Variants in RARB observed in about 807,000 individuals in gnomAD.
RARB encodes HBV-activated protein.
Under a neutral mutation model 51.9 loss-of-function variants are expected in RARB, and 17 were observed. That is an observed-to-expected ratio of 0.33 (90% CI 0.22 to 0.49). The LOEUF is 0.49. Among genes scored for constraint, RARB ranks in the 20% least tolerant of loss-of-function variants. The probability of loss-of-function intolerance (pLI) is 0.99; values close to 1 mark genes in which losing one functional copy is unlikely to be tolerated. For missense variants in RARB, 369 were observed against 550.8 expected (o/e 0.67, Z 3.30); for synonymous variants, 215 against 195.4 (o/e 1.10, Z -0.84).
At chr3:25,212,367 C>T (rs1160753679) in intron 5 of RARB, among the ~76,000 whole-genome samples, 2 of 152,186 alleles carry the variant, frequency 1.3e-5, no homozygotes, top group East Asian at 1.9e-4. Flanking sequence ...CGCCCATAAT[C>T]CCAGCACTTT....
intron 3 of RARB, among the ~76,000 whole-genome samples, chr3:25,538,578 A>G (rs1018919358): frequency 1.3e-5 from 2 of 152,194 alleles, no homozygotes; most frequent in African/African-American, 4.8e-5. Context: ...CCTGACGTGG[A>G]GAGTAGGCAT....
intron 2 of RARB, among the ~76,000 whole-genome samples, chr3:24,977,588 T>C (rs1205104077): frequency 1.1e-4 from 17 of 152,224 alleles, no homozygotes; most frequent in Admixed American, 1.1e-3. Flanking sequence ...ATAGGAAAGC[T>C]TGTGAATTTT....
chr3:24,880,035 C>T (rs895714829), intron 2 of RARB, among the ~76,000 whole-genome samples: 1 of 151,734 alleles, frequency 6.6e-6, no homozygotes, highest in Non-Finnish European at 1.5e-5. Flanking sequence ...TAAGGAGCTC[C>T]CCTTAGCTCT....
intron 2 of RARB, among the ~76,000 whole-genome samples, chr3:24,983,825 G>A (rs1696729464): frequency 6.6e-6 from 1 of 151,974 alleles, no homozygotes; most frequent in Non-Finnish European, 1.5e-5. Context: ...GGGGGAGAGG[G>A]AGTTCTTTAC....
chr3:24,834,114 A>G (rs1702313554), intron 1 of RARB, among the ~76,000 whole-genome samples: 1 of 152,220 alleles, frequency 6.6e-6, no homozygotes, highest in Non-Finnish European at 1.5e-5. Context: ...TAACTCACCA[A>G]TTCAATACTA....
intron 3 of RARB, among the ~76,000 whole-genome samples, chr3:25,528,087 A>G (rs1482518904): frequency 2.0e-5 from 3 of 152,210 alleles, no homozygotes; most frequent in South Asian, 2.1e-4. Flanking sequence ...AGTTGGCACC[A>G]GGAGAAAAGA....
intron 4 of RARB, among the ~76,000 whole-genome samples, chr3:25,156,161 C>G (rs1037629144): frequency 6.6e-6 from 1 of 152,022 alleles, no homozygotes; most frequent in Non-Finnish European, 1.5e-5. Context: ...CATGTGGTGC[C>G]GAAGAATGTC....
At chr3:25,532,019 AGTTTT>A (rs1351972236) in intron 3 of RARB, among the ~76,000 whole-genome samples, 2 of 152,216 alleles carry the variant, frequency 1.3e-5, no homozygotes, top group Non-Finnish European at 2.9e-5. Context: ...TGAGCTGTGC[AGTTTT>A]AATGAAATGT....
intron 4 of RARB, among the ~76,000 whole-genome samples, chr3:25,162,211 T>G (rs1700484940): frequency 6.6e-6 from 1 of 152,136 alleles, no homozygotes; most frequent in Non-Finnish European, 1.5e-5. Context: ...TCAATCAATC[T>G]TCCCCCATCA....
At chr3:25,420,605 A>C (rs1013823528) in intron 5 of RARB, among the ~76,000 whole-genome samples, 12 of 152,216 alleles carry the variant, frequency 7.9e-5, no homozygotes, top group Admixed American at 7.2e-4. Context: ...ATGATCTGAG[A>C]AGTTTTACTT....
intron 2 of RARB, among the ~76,000 whole-genome samples, chr3:24,958,620 G>T (rs969077424): frequency 2.6e-5 from 4 of 152,158 alleles, no homozygotes; most frequent in African/African-American, 9.7e-5. Flanking sequence ...ATAATGAGGG[G>T]TAAACCTCAT....
rs185481087 is a variant in RARB, at chr3:25,548,739, C to T, written c.449-21019C>T. Among the ~76,000 whole-genome samples, 15 of 150,802 alleles carry T rather than the reference C, an allele frequency of 9.9e-5. No individual in the cohort carries two copies. The East Asian group carries it at 2.9e-3, about 30-fold the overall frequency. On this transcript the variant is annotated intron_variant, in intron 3 of 7. Transcript: ENST00000330688. Reference sequence around the variant, plus strand: ...GCACCTGAAGAAAAGTGACAGGTTGCTAAGTTATTTATTGAGTTTCTCTAG... The same window carrying T: ...GCACCTGAAGAAAAGTGACAGGTTGTTAAGTTATTTATTGAGTTTCTCTAG...
chr3:25,221,001 G>T (rs1353523304), intron 5 of RARB, among the ~76,000 whole-genome samples: 3 of 133,330 alleles, frequency 2.3e-5, no homozygotes, highest in Admixed American at 1.7e-4. Context: ...TGTTTTTAAG[G>T]CTCCCTCCCC....
At chr3:25,512,369 G>T (rs752498093) in intron 3 of RARB, among the ~76,000 whole-genome samples, 23 of 152,308 alleles carry the variant, frequency 1.5e-4, no homozygotes, top group South Asian at 8.3e-4. Flanking sequence ...GGTAGATGGG[G>T]CCAGAAGCAG....
intron 3 of RARB, among the ~76,000 whole-genome samples, chr3:25,562,500 C>T (rs1303162654): frequency 6.6e-6 from 1 of 152,184 alleles, no homozygotes; most frequent in Non-Finnish European, 1.5e-5. Flanking sequence ...GAGAATAGCC[C>T]ATTGCTGCCA....
intron 5 of RARB, among the ~76,000 whole-genome samples, chr3:25,325,408 T>A (rs1480030012): frequency 6.6e-6 from 1 of 152,100 alleles, no homozygotes; most frequent in African/African-American, 2.4e-5. Flanking sequence ...GCTGAGCTCC[T>A]ATCTCATCCT....
At chr3:25,390,761 A>C (rs1329597861) in intron 5 of RARB, among the ~76,000 whole-genome samples, 2 of 152,094 alleles carry the variant, frequency 1.3e-5, no homozygotes, top group African/African-American at 4.8e-5. Context: ...TGCCTAATAA[A>C]CTTTCAACCT....
intron 4 of RARB, among the ~76,000 whole-genome samples, chr3:25,161,194 A>G (rs1195460660): frequency 1.4e-5 from 2 of 148,120 alleles, no homozygotes; most frequent in African/African-American, 5.0e-5. Context: ...TATTATTATT[A>G]TTATTATTAT....
chr3:24,862,409 T>C (rs1009633658), intron 2 of RARB, among the ~76,000 whole-genome samples: 1 of 152,184 alleles, frequency 6.6e-6, no homozygotes, highest in African/African-American at 2.4e-5. Context: ...TCCCTCCTTA[T>C]CCATGTTTTT....
Sources: gnomAD v4.1 joint callset for allele counts (sites outside exome capture counted in the v4.1 genomes callset) on GRCh38, gnomAD v4.1.1 for gene constraint, MANE v1.5 for transcripts, NCBI Gene and HGNC (gene_info 2026-07-23, HGNC 2026-07-21) for gene names.